PIK3R2: variants seen among roughly 807,000 people sequenced by gnomAD.
The protein encoded by PIK3R2 is phosphatidylinositol 3-kinase regulatory subunit beta.
PIK3R2 carries 40 observed loss-of-function variants against 78.5 expected under a neutral mutation model. The ratio of observed to expected loss-of-function variants is 0.51; its 90% CI spans 0.40 to 0.66. PIK3R2 has a LOEUF of 0.66. Ranked by LOEUF, PIK3R2 falls within the 30% of genes least tolerant of loss-of-function variation. The probability of loss-of-function intolerance (pLI) is 0.00; values close to 1 mark genes in which losing one functional copy is unlikely to be tolerated. For synonymous variants in PIK3R2, 473 were observed against 457.7 expected (o/e 1.03, Z -0.43); for missense variants, 880 against 1,026.6 (o/e 0.86, Z 1.95).
In PIK3R2 at chr19:18,161,864, C is replaced by A; in HGVS notation, c.816-102C>A. ...TCCTCCTCCGCCCTGCACATACTGT[C>A]TCGTATATACCCCCAGGCGTGCAAG... On this transcript the variant is annotated intron_variant, in intron 6 of 15. Transcript: ENST00000222254. This position sits in a 1 kb window ranked among gnomAD's most constrained non-coding sequence, Gnocchi z 5.3. 1.1e-6 allele frequency: 1 copy of A among 939,624 alleles called. No homozygotes were observed. Among genetic ancestry groups the A allele is most frequent in the East Asian group, 2.5e-5 (1 of 40,384 alleles). The allele number at this position is 939,624 out of a possible 1,614,324, so 58.2% of individuals were successfully genotyped here. A position where few individuals can be genotyped will look rare whatever the true frequency, so the allele number is the denominator to read the frequency against.
intron 1 of PIK3R2, among the ~76,000 whole-genome samples, 177 bp downstream of exon 1, chr19:18,153,471 G>T (rs1428750430): frequency 1.3e-5 from 2 of 152,214 alleles, no homozygotes; most frequent in Non-Finnish European, 2.9e-5. Flanking sequence ...GCTCCGCAGC[G>T]GTGCAGCCTC....
At chr19:18,157,857 G>A (rs1178817977) in intron 2 of PIK3R2, among the ~76,000 whole-genome samples, 3 of 152,038 alleles carry the variant, frequency 2.0e-5, no homozygotes, top group African/African-American at 4.8e-5. Flanking sequence ...GTGCCAGGGC[G>A]TCCCCGCCGA....
rs771572199 is a variant in PIK3R2, at chr19:18,162,945, C to T, written c.1110-22C>T. 16 of 1,608,846 alleles carry T rather than the reference C, an allele frequency of 9.9e-6. No individual in the cohort carries two copies. In the East Asian group the frequency reaches 1.3e-4, roughly 13 times the overall value. On this transcript the variant is annotated intron_variant, in intron 9 of 15. Transcript: ENST00000222254. ...TCAGGTGCGGGGTCCCACTGGGTGC[C>T]GACACCCCTCTCCTCCCCCAGGAAA...
rs770791222 is a variant in PIK3R2, at chr19:18,162,299, G to A, written c.999G>A (p.Gly333=). The A allele has an allele frequency of 3.1e-6, 5 of 1,607,264 alleles. No individual in the cohort carries two copies. The Admixed American group carries it at 8.4e-5, about 27-fold the overall frequency. ...PSLQDAEWYW[G]DISREEVNEK... Reference sequence around the variant, plus strand: ...TGCAGGATGCTGAGTGGTACTGGGGGGACATTTCAAGGTAGGTTGCTGGCA... The same window carrying A: ...TGCAGGATGCTGAGTGGTACTGGGGAGACATTTCAAGGTAGGTTGCTGGCA... Residue 333 remains glycine, a synonymous_variant, in exon 8 of 16, where the codon GGG becomes GGA. Coordinates refer to ENST00000222254, the MANE Select transcript of PIK3R2 (RefSeq NM_005027.4).
In PIK3R2 at chr19:18,168,965, C is replaced by G; in HGVS notation, c.1979+69C>G. 6.4e-7 allele frequency: 1 copy of G among 1,557,130 alleles called. No individual in the cohort carries two copies. The highest frequency in any genetic ancestry group is 8.8e-7 in the Non-Finnish European group (1 of 1,140,546). ...GCTCTCATTGAATGCCTGCCGCGTG[C>G]CAGGCCTTGGGAAGGAGTCCCTGGT... On this transcript the variant is annotated intron_variant, in intron 15 of 15. Transcript: ENST00000222254. The surrounding 1 kb of genome is among the most constrained non-coding windows in gnomAD (Gnocchi z 4.1).
chr19:18,160,624 C>T, intron 3 of PIK3R2, 61 bp downstream of exon 3: 1 of 1,294,314 alleles, frequency 7.7e-7, no homozygotes, highest in Non-Finnish European at 1.1e-6. Flanking sequence ...TGACAGGCGA[C>T]TCATCCTCTC....
Position 18,167,401 on chromosome 19 carries a change from A to AG in PIK3R2, c.1736+96dup. The AG allele has an allele frequency of 8.7e-7, 1 of 1,147,482 alleles. No homozygotes were observed. The highest frequency in any genetic ancestry group is 1.2e-6 in the Non-Finnish European group (1 of 844,278). The allele number at this position is 1,147,482 out of a possible 1,614,324, so 71.1% of individuals were successfully genotyped here. On this transcript the variant is annotated intron_variant, in intron 13 of 15. Coordinates refer to ENST00000222254, the MANE Select transcript of PIK3R2 (RefSeq NM_005027.4). The surrounding 1 kb of genome is among the most constrained non-coding windows in gnomAD (Gnocchi z 4.5). ...AGTCTCAGTCTCTCTCTCTCCACCA[A>AG]GTGGCCCTTCCTGGGCCCCGAGACC...
rs2147944204 is a variant in PIK3R2 at position 18,155,538 on chromosome 19, C to G, written c.-342C>G. The G allele has an allele frequency of 2.2e-6, 1 of 447,648 alleles. No homozygotes were observed. The highest frequency in any genetic ancestry group is 5.7e-4 in the Middle Eastern group (1 of 1,764). 27.7% of individuals were successfully genotyped at this position (447,648 alleles called of 1,614,324 possible). A position where few individuals can be genotyped will look rare whatever the true frequency, so the allele number is the denominator to read the frequency against. Reference sequence around the variant, plus strand: ...CTGGTGCAGCCAGCAGAGCCGCCAGCCTTGGGCGCCCATGGCCCTCCGTGT... The same window carrying G: ...CTGGTGCAGCCAGCAGAGCCGCCAGGCTTGGGCGCCCATGGCCCTCCGTGT... On this transcript the variant is annotated 5_prime_UTR_variant, in exon 2 of 16. Coordinates refer to ENST00000222254, the MANE Select transcript of PIK3R2 (RefSeq NM_005027.4).
At chr19:18,164,081 G>T (rs950924327) in intron 11 of PIK3R2, among the ~76,000 whole-genome samples, 1 of 149,212 alleles carries the variant, frequency 6.7e-6, no homozygotes, top group Admixed American at 6.7e-5. Context: ...AGCCAAGATC[G>T]TGCTACTACA....
At chr19:18,162,378 C>T (rs780083195) in intron 8 of PIK3R2, 30 bp from the exon 9 acceptor site, 12 of 1,607,272 alleles carry the variant, frequency 7.5e-6, no homozygotes, top group Middle Eastern at 1.6e-4. Flanking sequence ...CCAGGTGGCT[C>T]GGCAGTCCCA....
intron 2 of PIK3R2, among the ~76,000 whole-genome samples, chr19:18,157,278 C>A (rs976155975): frequency 6.6e-6 from 1 of 152,198 alleles, no homozygotes; most frequent in African/African-American, 2.4e-5. Flanking sequence ...GAGGTGGCCC[C>A]GTCTGGGCTC....
chr19:18,160,776 T>C, intron 3 of PIK3R2, 143 bp from the exon 4 acceptor site: 1 of 1,053,302 alleles, frequency 9.5e-7, no homozygotes, highest in Non-Finnish European at 1.4e-6. Context: ...CTGTGCCCTC[T>C]CCCAGTTCTC....
rs2043752528 is a variant in PIK3R2, at chr19:18,161,950, TC to T, written c.816-12del. ...AGGCCCTACCCAGCCCTCACCACACTCCCCTTCCCCCTAAGGAGTGAGCCCA... is the reference window on the plus strand; with the variant it reads ...AGGCCCTACCCAGCCCTCACCACACTCCCTTCCCCCTAAGGAGTGAGCCCA... On this transcript the variant is annotated splice_polypyrimidine_tract_variant and intron_variant, in intron 6 of 15. Transcript: ENST00000222254. The surrounding 1 kb of genome is among the most constrained non-coding windows in gnomAD (Gnocchi z 5.3). 6.2e-7 allele frequency: 1 copy of T among 1,611,484 alleles called. No homozygotes were observed. The highest frequency in any genetic ancestry group is 2.2e-5 in the East Asian group (1 of 44,846).
intron 9 of PIK3R2, 61 bp downstream of exon 9, chr19:18,162,567 G>C: frequency 7.1e-7 from 1 of 1,410,910 alleles, no homozygotes; most frequent in South Asian, 1.2e-5. Context: ...CGGGAGTTCA[G>C]AGGGGATAGA....
At chr19:18,162,921 C>T (rs1016800656) in intron 9 of PIK3R2, 46 bp from the exon 10 acceptor site, 1 of 1,561,572 alleles carries the variant, frequency 6.4e-7, no homozygotes, top group Admixed American at 1.7e-5. Context: ...GATTGAGGGT[C>T]AGGTGCGGGG....
At chr19:18,162,938 TG>T in intron 9 of PIK3R2, 28 bp from the exon 10 acceptor site, 1 of 1,606,296 alleles carries the variant, frequency 6.2e-7, no homozygotes. Context: ...GGGGTCCCAC[TG>T]GGTGCCGACA....
intron 9 of PIK3R2, 194 bp downstream of exon 9, chr19:18,162,700 A>G (rs1568636789): frequency 3.3e-6 from 2 of 610,430 alleles, no homozygotes; most frequent in East Asian, 2.8e-5. Context: ...CCTGGCCAAC[A>G]TGGTGAAACC....
At chr19:18,163,419 G>A (rs751083343) in intron 11 of PIK3R2, 31 bp downstream of exon 11, 11 of 1,612,872 alleles carry the variant, frequency 6.8e-6, no homozygotes, top group Admixed American at 6.7e-5. Context: ...GAGGGAAACC[G>A]AGACATAGAG....
Position 18,163,163 on chromosome 19 carries a change from G to A in PIK3R2, c.1290+16G>A. 1 of 1,613,618 alleles carries A rather than the reference G, an allele frequency of 6.2e-7. No homozygotes were observed. The highest frequency in any genetic ancestry group is 8.5e-7 in the Non-Finnish European group (1 of 1,179,610). On this transcript the variant is annotated intron_variant, in intron 10 of 15. Coordinates refer to ENST00000222254, the MANE Select transcript of PIK3R2 (RefSeq NM_005027.4). ...ATACCAGCAGGTCCGTGCTGGCCTGGGAGCCAGGGAGGGTAGCACCTGGCT... is the reference window on the plus strand; with the variant it reads ...ATACCAGCAGGTCCGTGCTGGCCTGAGAGCCAGGGAGGGTAGCACCTGGCT...
Sources: gnomAD v4.1 joint callset for allele counts (sites outside exome capture counted in the v4.1 genomes callset) on GRCh38, gnomAD v4.1.1 for gene constraint, Gnocchi (gnomAD v3.1) non-coding constraint, MANE v1.5 for transcripts, NCBI Gene and HGNC (gene_info 2026-07-23, HGNC 2026-07-21) for gene names.